Variants in ZNF3 observed in about 807,000 individuals in gnomAD.
ZNF3 encodes C2-H2 type zinc finger protein.
A neutral mutation model predicts 36.9 loss-of-function variants in ZNF3; 16 were observed. The ratio of observed to expected loss-of-function variants is 0.43; its 90% CI spans 0.29 to 0.66. The LOEUF (loss-of-function observed/expected upper bound fraction) is 0.66, where lower values mean the gene tolerates loss of function less well. Ranked by LOEUF, ZNF3 falls within the 30% of genes least tolerant of loss-of-function variation. ZNF3 has a pLI of 0.13. For missense variants in ZNF3, 462 were observed against 543.1 expected (o/e 0.85, Z 1.48); for synonymous variants, 201 against 201.9 (o/e 1.00, Z 0.04).
At chr7:100,075,761 G>A in intron 3 of ZNF3, 131 bp from the exon 4 acceptor site, 1 of 809,234 alleles carries the variant, frequency 1.2e-6, no homozygotes. Context: ...ACATTTCTAA[G>A]TTTGCTTCCT....
At chr7:100,076,354 G>A (rs567759248) in intron 3 of ZNF3, among the ~76,000 whole-genome samples, 11 of 151,202 alleles carry the variant, frequency 7.3e-5, no homozygotes, top group South Asian at 2.1e-4. Flanking sequence ...GTGCAGTGGC[G>A]TGATCTCGGC....
At chr7:100,064,779 A>T in exon 6 of ZNF3, 1 of 1,614,192 alleles carries the variant, frequency 6.2e-7, no homozygotes. Context: ...CATGGCAGGC[A>T]GGAGGTCCTC....
intron 3 of ZNF3, 69 bp from the exon 4 acceptor site, chr7:100,075,699 C>A (rs1419434279): frequency 1.4e-5 from 21 of 1,508,448 alleles, no homozygotes; most frequent in Non-Finnish European, 1.9e-5. Context: ...GCTGACTTCC[C>A]AACCCACAGA....
At chr7:100,078,314 A>G (rs538549890) in intron 2 of ZNF3, among the ~76,000 whole-genome samples, 3 of 151,466 alleles carry the variant, frequency 2.0e-5, no homozygotes, top group South Asian at 2.1e-4. Flanking sequence ...GGCCAGGATG[A>G]TGAAACCCCA....
At position 100,070,429 on chromosome 7, in the gene ZNF3, C is replaced by T. The variant is rs1792949159; in HGVS notation, c.*714G>A. On this transcript the variant is annotated 3_prime_UTR_variant, in exon 6 of 6. Transcript: ENST00000299667. ...GCTAAGTGCTTCTGACCCTCTCCCT[C>T]ACAGCCGGTTACTAGCTGTTTGGAC... is the stretch of plus-strand genomic sequence containing the variant. The T allele has an allele frequency of 2.0e-6, 2 of 985,488 alleles. No homozygotes were observed. Among genetic ancestry groups the T allele is most frequent in the Non-Finnish European group, 2.4e-6 (2 of 830,002 alleles). The allele number at this position is 985,488 out of a possible 1,614,324, so 61.0% of individuals were successfully genotyped here.
Position 100,070,030 on chromosome 7 carries a change from G to C in ZNF3, c.*1113C>G. 4.1e-6 allele frequency: 4 copies of C among 985,914 alleles called. No individual in the cohort carries two copies. Among genetic ancestry groups the C allele is most frequent in the Non-Finnish European group, 4.8e-6 (4 of 829,954 alleles). The allele number at this position is 985,914 out of a possible 1,614,324, so 61.1% of individuals were successfully genotyped here. On this transcript the variant is annotated 3_prime_UTR_variant, in exon 6 of 6. Coordinates refer to ENST00000299667, the MANE Select transcript of ZNF3 (RefSeq NM_032924.5). Reference sequence around the variant, plus strand: ...CTTCATTTATGCTACAGGATGAGCAGGGTTGGGAAAACACAATGGAAGGTC... The same window carrying C: ...CTTCATTTATGCTACAGGATGAGCACGGTTGGGAAAACACAATGGAAGGTC...
downstream of ZNF3, among the ~76,000 whole-genome samples, chr7:100,067,917 C>A (rs954222164): frequency 1.3e-5 from 2 of 152,112 alleles, no homozygotes; most frequent in Non-Finnish European, 2.9e-5. Flanking sequence ...AGAAAACTTA[C>A]AAAATTTTGA....
chr7:100,075,551 G>A lies in ZNF3; in HGVS notation c.135C>T (p.Ala45=). The change falls in exon 4 of 6, where the codon GCC becomes GCT. Residue 45 remains alanine, a synonymous_variant. Coordinates refer to ENST00000299667, the MANE Select transcript of ZNF3 (RefSeq NM_032924.5). ...DEMLAAALLK[A]KSQELVTFED... ...CGGAACCACAGCTCACCTGGGACTT[G>A]GCCTTTAGGAGCGCAGCCGCCAACA... The A allele has an allele frequency of 6.2e-7, 1 of 1,614,106 alleles. No individual in the cohort carries two copies. The highest frequency in any genetic ancestry group is 8.5e-7 in the Non-Finnish European group (1 of 1,179,988).
chr7:100,075,754 T>C, intron 3 of ZNF3, 124 bp from the exon 4 acceptor site: 1 of 855,734 alleles, frequency 1.2e-6, no homozygotes, highest in South Asian at 1.6e-5. Context: ...CTCTCTCACA[T>C]TTCTAAGTTT....
At chr7:100,067,748 A>G (rs1792722582), downstream of ZNF3, among the ~76,000 whole-genome samples, 1 of 152,182 alleles carries the variant, frequency 6.6e-6, no homozygotes, top group African/African-American at 2.4e-5. Flanking sequence ...CAACGCTGAC[A>G]CAGAGTATAT....
At chr7:100,064,413 C>T (rs751132112) in exon 6 of ZNF3, 107 of 1,613,886 alleles carry the variant, frequency 6.6e-5, no homozygotes, top group Middle Eastern at 1.6e-4. Flanking sequence ...TCAGCTCCCA[C>T]CAGAGACTCC....
chr7:100,072,287 G>GT, intron 5 of ZNF3, 75 bp from the exon 6 acceptor site: 1 of 1,339,548 alleles, frequency 7.5e-7, no homozygotes, highest in Non-Finnish European at 1.0e-6. Context: ...CAGGATCATT[G>GT]TAACGAATAC....
At chr7:100,064,348 G>A (rs1414030259) in exon 6 of ZNF3, 2 of 1,614,174 alleles carry the variant, frequency 1.2e-6, no homozygotes, top group Admixed American at 3.3e-5. Context: ...CCACACTGGG[G>A]AGAAGCCTTA....
chr7:100,069,129 TA>T (rs1370729987), downstream of ZNF3, among the ~76,000 whole-genome samples: 5 of 150,768 alleles, frequency 3.3e-5, no homozygotes, highest in Non-Finnish European at 5.9e-5. Context: ...CGCTCAGCCC[TA>T]ATTTTTTTTT....
Position 100,071,402 on chromosome 7 carries a change from A to C in ZNF3, c.1082T>G (p.Ile361Ser). 1 of 1,614,224 alleles carries C rather than the reference A, an allele frequency of 6.2e-7. No individual in the cohort carries two copies. The highest frequency in any genetic ancestry group is 1.1e-5 in the South Asian group (1 of 91,090). Residue 361 changes from isoleucine to serine, a missense_variant, in exon 6 of 6, where the codon ATC becomes AGC. Physicochemically the swap from Ile to Ser is moderately radical, Grantham distance 142 (BLOSUM62 -2). Transcript: ENST00000299667. ...QSSHLYQHQR[I>S]HTGEKPYECM... ...TTCGTAGGGCTTCTCTCCAGTGTGG[A>C]TTCTCTGGTGCTGATAGAGGTGTGA...
In ZNF3 at chr7:100,071,845, T is replaced by A. The variant is rs1793210630; in HGVS notation, c.639A>T (p.Ser213=). Residue 213 remains serine, a synonymous_variant, in exon 6 of 6, where the codon TCA becomes TCT. Transcript: ENST00000299667. Reference sequence around the variant, plus strand: ...GGATTCTCTGATGTTGAATAAGGTCTGAAGTTCGATTAAAGCTCTTGCTAC... The same window carrying A: ...GGATTCTCTGATGTTGAATAAGGTCAGAAGTTCGATTAAAGCTCTTGCTAC... ...DECSKSFNRT[S]DLIQHQRIHT... is the part of the protein sequence containing the mutation. 1 of 1,614,074 alleles carries A rather than the reference T, an allele frequency of 6.2e-7. No individual in the cohort carries two copies. Among genetic ancestry groups the A allele is most frequent in the Non-Finnish European group, 8.5e-7 (1 of 1,179,934 alleles).
intron 1 of ZNF3, among the ~76,000 whole-genome samples, chr7:100,080,868 A>G (rs941289): frequency 0.27 from 40,723 of 152,188 alleles, 6,454 homozygotes; most frequent in Middle Eastern, 0.49. Flanking sequence ...CCGACTGTCC[A>G]TCAAACACGT....
Position 100,070,785 on chromosome 7 carries a change from CT to C in ZNF3, c.*357del. On this transcript the variant is annotated 3_prime_UTR_variant, in exon 6 of 6. Transcript: ENST00000299667. ...AGCGTCCTTTCCACTGCTGTCTGTG[CT>C]GACTACGCGGACTCCAACTAAAGGA... 1 of 1,046,032 alleles carries C rather than the reference CT, an allele frequency of 9.6e-7. No homozygotes were observed. Among genetic ancestry groups the C allele is most frequent in the Non-Finnish European group, 1.2e-6 (1 of 867,068 alleles). 64.8% of individuals were successfully genotyped at this position (1,046,032 alleles called of 1,614,324 possible).
At position 100,070,919 on chromosome 7, in the gene ZNF3, G is replaced by T; in HGVS notation, c.*224C>A. The T allele has an allele frequency of 7.4e-7, 1 of 1,342,320 alleles. No individual in the cohort carries two copies. 83.2% of individuals were successfully genotyped at this position (1,342,320 alleles called of 1,614,324 possible). On this transcript the variant is annotated 3_prime_UTR_variant, in exon 6 of 6. Coordinates refer to ENST00000299667, the MANE Select transcript of ZNF3 (RefSeq NM_032924.5). ...ACTCCTTTCCTAAATGGGGTAACTG[G>T]TCCCAGAGCTGCTTTCTATTCCCAG...
Sources: allele counts gnomAD v4.1 joint callset (sites outside exome capture counted in the v4.1 genomes callset), GRCh38; gene constraint gnomAD v4.1.1; transcripts MANE v1.5; gene names NCBI Gene and HGNC (gene_info 2026-07-23, HGNC 2026-07-21).